FAM131B: variants seen among roughly 807,000 people sequenced by gnomAD.
FAM131B encodes protein FAM131B.
FAM131B carries 19 observed loss-of-function variants against 42.0 expected under a neutral mutation model. The observed-to-expected ratio is 0.45, with a 90% CI of 0.32 to 0.66. The LOEUF (loss-of-function observed/expected upper bound fraction) is 0.66, where lower values mean the gene tolerates loss of function less well. FAM131B is among the 30% of genes least tolerant of loss of function. FAM131B has a pLI of 0.05. For synonymous variants in FAM131B, 183 were observed against 177.6 expected (o/e 1.03, Z -0.24); for missense variants, 370 against 468.4 (o/e 0.79, Z 1.94).
Position 143,362,536 on chromosome 7 carries a change from G to C in FAM131B, c.28+40C>G, listed in dbSNP as rs1275300270. 6.2e-6 allele frequency: 7 copies of C among 1,120,800 alleles called. No individual in the cohort carries two copies. Among genetic ancestry groups the C allele is most frequent in the Non-Finnish European group, 6.7e-6 (6 of 889,242 alleles). 69.4% of individuals were successfully genotyped at this position (1,120,800 alleles called of 1,614,324 possible). A position where few individuals can be genotyped will look rare whatever the true frequency, so the allele number is the denominator to read the frequency against. On this transcript the variant is annotated intron_variant, in intron 1 of 6. Transcript: ENST00000443739. This position sits in a 1 kb window ranked among gnomAD's most constrained non-coding sequence, Gnocchi z 7.7. ...GGGGGAGGGGGTCGGAGGGCGGCCC[G>C]GGGGGCCCAGCCCTGCCCCCGCCCG...
chr7:143,364,300 A>G (rs993951334), upstream of FAM131B: 1 of 151,596 alleles, frequency 6.6e-6, no homozygotes, highest in African/African-American at 2.4e-5. Flanking sequence ...AAAAAAAAAA[A>G]AAGAACAAAC....
At chr7:143,381,852 G>A in the FAM131B span, 3 of 1,391,276 alleles carry the variant, frequency 2.2e-6, no homozygotes, top group Non-Finnish European at 2.9e-6. Context: ...GGAATTTGGG[G>A]ATGTCTGGAA....
Position 143,356,612 on chromosome 7 carries a change from A to G in FAM131B, c.1021T>C (p.Ser341Pro). The change falls in exon 7 of 7, where the codon TCT becomes CCT. Residue 341 changes from serine to proline, a missense_variant. By Grantham distance (74) the Ser-to-Pro change is moderately conservative. Transcript: ENST00000443739. This position sits in a 1 kb window ranked among gnomAD's most constrained non-coding sequence, Gnocchi z 4.4. ...TGCACACCTGAGGATGTGACGTCAG[A>G]CACCTTCCGGCTGAGAGCGGTAGAC... ...EMSTALSRKV[S>P]DVTSSGVQSF... The G allele has an allele frequency of 6.2e-7, 1 of 1,613,922 alleles. No individual in the cohort carries two copies. The highest frequency in any genetic ancestry group is 8.5e-7 in the Non-Finnish European group (1 of 1,179,986).
upstream of FAM131B, among the ~76,000 whole-genome samples, chr7:143,363,562 G>A (rs1410591322): frequency 1.3e-5 from 2 of 152,214 alleles, no homozygotes; most frequent in East Asian, 1.9e-4. Flanking sequence ...ACTGGGCCAG[G>A]TAGATACCTC....
upstream of FAM131B, among the ~76,000 whole-genome samples, chr7:143,366,045 C>A (rs1236540466): frequency 6.6e-6 from 1 of 152,144 alleles, no homozygotes; most frequent in Non-Finnish European, 1.5e-5. Flanking sequence ...AGCCATCGCA[C>A]CTGGCCAAAA....
chr7:143,362,036 G>A lies in FAM131B; in HGVS notation c.28+540C>T. On this transcript the variant is annotated intron_variant, in intron 1 of 6. Coordinates refer to ENST00000443739, the MANE Select transcript of FAM131B (RefSeq NM_001031690.3). This position sits in a 1 kb window ranked among gnomAD's most constrained non-coding sequence, Gnocchi z 7.7. Reference sequence around the variant, plus strand: ...CGCACGTGAACAAAGCGAATCGGAGGAGGCAGGAACGACAGTAAAAGGCAA... The same window carrying A: ...CGCACGTGAACAAAGCGAATCGGAGAAGGCAGGAACGACAGTAAAAGGCAA... The A allele has an allele frequency of 1.0e-6, 1 of 984,988 alleles. No individual in the cohort carries two copies. Among genetic ancestry groups the A allele is most frequent in the South Asian group, 4.7e-5 (1 of 21,278 alleles). The allele number at this position is 984,988 out of a possible 1,614,324, so 61.0% of individuals were successfully genotyped here. A position where few individuals can be genotyped will look rare whatever the true frequency, so the allele number is the denominator to read the frequency against.
chr7:143,359,612 C>T lies in FAM131B; in HGVS notation c.174+120G>A, dbSNP rs781065571. The T allele has an allele frequency of 2.9e-5, 31 of 1,067,818 alleles. No homozygotes were observed. The highest frequency in any genetic ancestry group is 6.7e-5 in the South Asian group (5 of 74,240). 66.1% of individuals were successfully genotyped at this position (1,067,818 alleles called of 1,614,324 possible). A position where few individuals can be genotyped will look rare whatever the true frequency, so the allele number is the denominator to read the frequency against. ...GGAAAACTGGGGCACAGGTTGAGAA[C>T]GTGAGTGCTCACAGTGCCTATTGGA... On this transcript the variant is annotated intron_variant, in intron 3 of 6. Transcript: ENST00000443739. This position sits in a 1 kb window ranked among gnomAD's most constrained non-coding sequence, Gnocchi z 5.4.
At position 143,356,429 on chromosome 7, in the gene FAM131B, A is replaced by G. The variant is rs906152173; in HGVS notation, c.*121T>C. On this transcript the variant is annotated 3_prime_UTR_variant, in exon 7 of 7. Coordinates refer to ENST00000443739, the MANE Select transcript of FAM131B (RefSeq NM_001031690.3). This position sits in a 1 kb window ranked among gnomAD's most constrained non-coding sequence, Gnocchi z 4.4. ...CCTCCATTTCCAGGAGAGGACTGGA[A>G]GCTCCTGGGTTCCCCAATGTTGTCT... 3 of 701,162 alleles carry G rather than the reference A, an allele frequency of 4.3e-6. No homozygotes were observed. The African/African-American group carries it at 5.3e-5, about 12-fold the overall frequency. 43.4% of individuals were successfully genotyped at this position (701,162 alleles called of 1,614,324 possible). A position where few individuals can be genotyped will look rare whatever the true frequency, so the allele number is the denominator to read the frequency against.
rs1804024991 is a variant in FAM131B, at chr7:143,362,034, A to T, written c.28+542T>A. On this transcript the variant is annotated intron_variant, in intron 1 of 6. Transcript: ENST00000443739. This position sits in a 1 kb window ranked among gnomAD's most constrained non-coding sequence, Gnocchi z 7.7. ...AACGCACGTGAACAAAGCGAATCGG[A>T]GGAGGCAGGAACGACAGTAAAAGGC... 8.1e-6 allele frequency: 8 copies of T among 984,468 alleles called. No individual in the cohort carries two copies. In the South Asian group the frequency reaches 3.3e-4, roughly 41 times the overall value. The allele number at this position is 984,468 out of a possible 1,614,324, so 61.0% of individuals were successfully genotyped here.
At chr7:143,371,613 C>CAAAAAA in the FAM131B span, among the ~76,000 whole-genome samples, 15 of 75,020 alleles carry the variant, frequency 2.0e-4, no homozygotes, top group African/African-American at 6.5e-4. Context: ...GACCCTGTCT[C>CAAAAAA]AAAAAAAAAA....
the FAM131B span, chr7:143,382,301 G>A: frequency 1.2e-6 from 2 of 1,612,010 alleles, no homozygotes; most frequent in East Asian, 4.5e-5. Context: ...TGCAGAGGGT[G>A]CTCTGGGAGG....
the FAM131B span, chr7:143,380,779 C>A: frequency 1.0e-6 from 1 of 985,258 alleles, no homozygotes; most frequent in African/African-American, 1.7e-5. The surrounding 1 kb of genome is among the most constrained non-coding windows in gnomAD (Gnocchi z 5.0). Context: ...TCCTCACCCC[C>A]CATCCCCGTG....
the FAM131B span, chr7:143,380,583 G>A: frequency 8.1e-6 from 8 of 985,444 alleles, no homozygotes; most frequent in Non-Finnish European, 9.6e-6. This position sits in a 1 kb window ranked among gnomAD's most constrained non-coding sequence, Gnocchi z 5.0. Context: ...CCGGCCCCGC[G>A]GACCCGAACG....
chr7:143,361,929 G>C, intron 1 of FAM131B: 2 of 394,586 alleles, frequency 5.1e-6, no homozygotes, highest in Non-Finnish European at 6.8e-6. Flanking sequence ...GCGTCCCCCA[G>C]CCCCTTCCCT....
chr7:143,375,317 C>G, the FAM131B span, among the ~76,000 whole-genome samples: 47 of 152,272 alleles, frequency 3.1e-4, 1 homozygote, highest in African/African-American at 1.1e-3. Context: ...AACCAGGGAG[C>G]TAGCTGAATG....
chr7:143,371,537 C>G, the FAM131B span, among the ~76,000 whole-genome samples: 1 of 142,714 alleles, frequency 7.0e-6, no homozygotes, highest in East Asian at 2.1e-4. Context: ...TTGCTTGGGC[C>G]TGGGAGGTAG....
chr7:143,353,473 C>G lies in FAM131B; in HGVS notation c.*3077G>C, dbSNP rs199498222. ...CCAGCATCACATCCCTCCCACTTCC[C>G]CAGGCCAAGAGAGATGCTGAAGCCT... On this transcript the variant is annotated 3_prime_UTR_variant, in exon 7 of 7. Coordinates refer to ENST00000443739, the MANE Select transcript of FAM131B (RefSeq NM_001031690.3). 6.6e-6 allele frequency: 1 copy of G among 152,146 alleles called. No homozygotes were observed. Among genetic ancestry groups the G allele is most frequent in the Non-Finnish European group, 1.5e-5 (1 of 68,046 alleles). The allele number at this position is 152,146 out of a possible 1,614,324, so 9.4% of individuals were successfully genotyped here.
Position 143,362,416 on chromosome 7 carries a change from G to A in FAM131B, c.28+160C>T, listed in dbSNP as rs1045835199. 2.6e-5 allele frequency among the ~76,000 whole-genome samples: 4 copies of A among 152,080 alleles called. No homozygotes were observed. The highest frequency in any genetic ancestry group is 4.1e-4 in the South Asian group (2 of 4,830). Reference sequence around the variant, plus strand: ...AAGACGAGAGCGGGCAGGAAGGAGGGACAGAGGGACCGCGGGCGGACGGAA... The same window carrying A: ...AAGACGAGAGCGGGCAGGAAGGAGGAACAGAGGGACCGCGGGCGGACGGAA... On this transcript the variant is annotated intron_variant, in intron 1 of 6. Transcript: ENST00000443739. The surrounding 1 kb of genome is among the most constrained non-coding windows in gnomAD (Gnocchi z 7.7).
chr7:143,356,767 G>A lies in FAM131B; in HGVS notation c.866C>T (p.Pro289Leu), dbSNP rs200621437. Reference protein sequence around the residue: ...PLLGGDTDWAPGVGAVDLARG... With the variant: ...PLLGGDTDWALGVGAVDLARG... ...TGCCAGGTCCACTGCGCCTACCCCC[G>A]GAGCCCAGTCAGTGTCTCCCCCCAG... is the stretch of plus-strand genomic sequence containing the variant. Residue 289 changes from proline (P) to leucine (L), a missense_variant, in exon 7 of 7, where the codon CCG (proline) becomes CTG (leucine). Transcript: ENST00000443739. The surrounding 1 kb of genome is among the most constrained non-coding windows in gnomAD (Gnocchi z 4.4). 3.0e-5 allele frequency: 49 copies of A among 1,614,088 alleles called. No homozygotes were observed. The highest frequency in any genetic ancestry group is 6.7e-5 in the East Asian group (3 of 44,878).
Sources: allele counts gnomAD v4.1 joint callset (sites outside exome capture counted in the v4.1 genomes callset), GRCh38; gene constraint gnomAD v4.1.1; non-coding constraint Gnocchi (gnomAD v3.1); transcripts MANE v1.5; gene names NCBI Gene and HGNC (gene_info 2026-07-23, HGNC 2026-07-21).